NLRP14: variants seen among roughly 807,000 people sequenced by gnomAD.
The protein encoded by NLRP14 is NLR family pyrin domain containing 14, also known as NACHT, LRR and PYD domains-containing protein 14.
A neutral mutation model predicts 94.7 loss-of-function variants in NLRP14; 105 were observed. The observed-to-expected ratio is 1.11, with a 90% confidence interval of 0.95 to 1.30. The LOEUF (loss-of-function observed/expected upper bound fraction) is 1.30, where lower values mean the gene tolerates loss of function less well. Among genes scored for constraint, NLRP14 ranks in the 50% most tolerant of loss-of-function variants. The pLI is 0.00. For missense variants in NLRP14, 1,362 were observed against 1,254.1 expected, an observed-to-expected ratio of 1.09 and a Z score of -1.30; for synonymous variants, 508 against 459.9, an observed-to-expected ratio of 1.10 and a Z score of -1.34.
intron 1 of NLRP14, among the ~76,000 whole-genome samples, chr11:7,035,569 A>G (rs1269317613): frequency 1.3e-5 from 2 of 152,198 alleles, no homozygotes; most frequent in Non-Finnish European, 2.9e-5. Flanking sequence ...TGTCAGTACT[A>G]CTGAGGCTGG....
At chr11:7,085,291 A>T in the NLRP14 span, among the ~76,000 whole-genome samples, 6 of 152,216 alleles carry the variant, frequency 3.9e-5, no homozygotes, top group Admixed American at 3.9e-4. Flanking sequence ...TAGCCAGTTT[A>T]GTAGTGTTAA....
chr11:7,041,497 G>C (rs1472919153), intron 3 of NLRP14, among the ~76,000 whole-genome samples: 1 of 151,878 alleles, frequency 6.6e-6, no homozygotes, highest in African/African-American at 2.4e-5. Context: ...TTATTATTTG[G>C]GGGGATATTA....
chr11:7,028,896 T>A (rs12365934), intron 1 of NLRP14, among the ~76,000 whole-genome samples: 14,317 of 152,060 alleles, frequency 0.094, 746 homozygotes, highest in Admixed American at 0.16. Context: ...TGGGAAGGTG[T>A]GGAGTAAGGA....
In NLRP14 at chr11:7,070,271, C is replaced by T; in HGVS notation, c.2976-15C>T. 6.3e-7 allele frequency: 1 copy of T among 1,592,598 alleles called. No individual in the cohort carries two copies. Among genetic ancestry groups the T allele is most frequent in the Non-Finnish European group, 8.6e-7 (1 of 1,161,618 alleles). Reference sequence around the variant, plus strand: ...GAATAAATTCATTTTTATCTTTTGTCTCTCTTCTCTACAGGTTGGAATACT... The same window carrying T: ...GAATAAATTCATTTTTATCTTTTGTTTCTCTTCTCTACAGGTTGGAATACT... On this transcript the variant is annotated splice_polypyrimidine_tract_variant and intron_variant, in intron 10 of 11. Transcript: ENST00000299481.
At chr11:7,062,259 G>A in intron 9 of NLRP14, 74 bp from the exon 10 acceptor site, 1 of 1,235,770 alleles carries the variant, frequency 8.1e-7, no homozygotes, top group Non-Finnish European at 1.2e-6. Context: ...CAAATACCTG[G>A]GTATATCTCC....
chr11:7,030,182 A>G (rs1852071002), intron 1 of NLRP14, among the ~76,000 whole-genome samples: 1 of 152,228 alleles, frequency 6.6e-6, no homozygotes. Flanking sequence ...GGCAATTCTC[A>G]ATCCTGAAGC....
chr11:7,071,656 G>C (rs910442799), downstream of NLRP14, among the ~76,000 whole-genome samples: 1 of 149,032 alleles, frequency 6.7e-6, no homozygotes, highest in Admixed American at 6.8e-5. Context: ...CACTGACATG[G>C]CTTAGTTCAC....
At chr11:7,067,676 C>T (rs1852725119) in intron 10 of NLRP14, among the ~76,000 whole-genome samples, 1 of 152,114 alleles carries the variant, frequency 6.6e-6, no homozygotes. Flanking sequence ...GGACATATCT[C>T]CTGTGTACAT....
chr11:7,043,925 G>T lies in NLRP14; in HGVS notation c.1899G>T (p.Leu633=), dbSNP rs1156362903. Residue 633 remains leucine (L), a synonymous_variant, in exon 4 of 12, where the codon CTG becomes CTT. Transcript: ENST00000299481. ...KHCRCLRTIR[L]SVTVVFEKKI... ...GCCGGTGTTTGCGGACCATCAGGCT[G>T]TCTGTAACTGTGGTATTTGAGAAGA... is the stretch of plus-strand genomic sequence containing the variant. 1 of 1,614,048 alleles carries T rather than the reference G, an allele frequency of 6.2e-7. No individual in the cohort carries two copies. Among genetic ancestry groups the T allele is most frequent in the Non-Finnish European group, 8.5e-7 (1 of 1,180,008 alleles).
the NLRP14 span, among the ~76,000 whole-genome samples, chr11:7,083,236 G>A: frequency 6.6e-6 from 1 of 152,196 alleles, no homozygotes; most frequent in Non-Finnish European, 1.5e-5. Flanking sequence ...AGGCATGTAA[G>A]CCAGCTCTTC....
At position 7,042,526 on chromosome 11, in the gene NLRP14, A is replaced by G. The variant is rs1450485174; in HGVS notation, c.500A>G (p.Asp167Gly). 6.2e-7 allele frequency: 1 copy of G among 1,614,108 alleles called. No homozygotes were observed. The highest frequency in any genetic ancestry group is 8.5e-7 in the Non-Finnish European group (1 of 1,180,016). Residue 167 changes from aspartate (D) to glycine (G), a missense_variant, in exon 4 of 12, where the codon GAT (aspartate) becomes GGT (glycine). Asp to Gly is a moderately conservative substitution (Grantham distance 94). Coordinates refer to ENST00000299481, the MANE Select transcript of NLRP14 (RefSeq NM_176822.4). The part of the protein sequence containing the change: ...KDRKLLEHLF[D>G]VDVKTGAQPQ... ...AGAAAACTGTTGGAACACTTGTTCG[A>G]TGTGGATGTCAAAACCGGTGCACAG...
At chr11:7,076,478 C>G (rs150193529), downstream of NLRP14, among the ~76,000 whole-genome samples, 6 of 152,224 alleles carry the variant, frequency 3.9e-5, no homozygotes, top group East Asian at 1.2e-3. Flanking sequence ...CCAGCCTTCT[C>G]TCTTTTATTA....
In NLRP14 at chr11:7,051,679, C is replaced by T. The variant is rs534589922; in HGVS notation, c.2291+1841C>T. Among the ~76,000 whole-genome samples, 8 of 152,212 alleles carry T rather than the reference C, an allele frequency of 5.3e-5. No homozygotes were observed. The East Asian group carries it at 9.6e-4, about 18-fold the overall frequency. ...TCACCCAGGCTGGAGTGCAGTGGTGCGATCTCGGCTCACTGCAGCCTCCAC... is the reference window on the plus strand; with the variant it reads ...TCACCCAGGCTGGAGTGCAGTGGTGTGATCTCGGCTCACTGCAGCCTCCAC... On this transcript the variant is annotated intron_variant, in intron 6 of 11. Coordinates refer to ENST00000299481, the MANE Select transcript of NLRP14 (RefSeq NM_176822.4).
At chr11:7,090,326 C>T in the NLRP14 span, 1 of 1,560,660 alleles carries the variant, frequency 6.4e-7, no homozygotes, top group African/African-American at 1.4e-5. Flanking sequence ...GACCAAAAAT[C>T]CCTTTTCAAC....
chr11:7,058,959 A>G (rs1436298497), intron 8 of NLRP14, among the ~76,000 whole-genome samples: 1 of 151,970 alleles, frequency 6.6e-6, no homozygotes, highest in Non-Finnish European at 1.5e-5. Flanking sequence ...TGCCTTCCAG[A>G]TAGATTATTT....
At position 7,062,379 on chromosome 11, in the gene NLRP14, T is replaced by A. The variant is rs117124176; in HGVS notation, c.2851T>A (p.Ser951Thr). Residue 951 changes from serine (S) to threonine (T), a missense_variant, in exon 10 of 12, where the codon TCT becomes ACT. By Grantham distance (58) the Ser-to-Thr change is moderately conservative. Transcript: ENST00000299481. ...LTNACCLDLA[S>T]VILNNPNLRS... ...TAATGCATGTTGTCTGGATCTGGCT[T>A]CTGTTATTTTGAATAACCCAAACCT... The A allele has an allele frequency of 0.032, 50,891 of 1,612,754 alleles. 920 individuals are homozygous for A. Among genetic ancestry groups the A allele is most frequent in the Middle Eastern group, 0.05 (303 of 6,058 alleles).
intron 10 of NLRP14, among the ~76,000 whole-genome samples, chr11:7,065,947 G>A (rs1478680840): frequency 1.3e-5 from 2 of 152,138 alleles, no homozygotes; most frequent in Non-Finnish European, 2.9e-5. Context: ...TTACAAGTGA[G>A]AATATGGGAT....
At chr11:7,080,991 G>A in the NLRP14 span, among the ~76,000 whole-genome samples, 1 of 152,096 alleles carries the variant, frequency 6.6e-6, no homozygotes, top group South Asian at 2.1e-4. Context: ...TAGGAGGGGA[G>A]GTTGTCTTGG....
rs1852312555 is a variant in NLRP14, at chr11:7,043,944, GAGA to G, written c.1925_1927del (p.Lys642del). On this transcript the variant is annotated inframe_deletion, in exon 4 of 12. Transcript: ENST00000299481. Reference sequence around the variant, plus strand: ...CAGGCTGTCTGTAACTGTGGTATTTGAGAAGAAGATATTAAAAACAAGCCTCCC... The same window carrying G: ...CAGGCTGTCTGTAACTGTGGTATTTGAGAAGATATTAAAAACAAGCCTCCC... The G allele has an allele frequency of 2.0e-5, 32 of 1,614,190 alleles. No homozygotes were observed. The highest frequency in any genetic ancestry group is 2.5e-5 in the Non-Finnish European group (30 of 1,180,020).
Sources: gnomAD v4.1 joint callset for allele counts (sites outside exome capture counted in the v4.1 genomes callset) on GRCh38, gnomAD v4.1.1 for gene constraint, MANE v1.5 for transcripts, NCBI Gene and HGNC (gene_info 2026-07-23, HGNC 2026-07-21) for gene names.